The following LAMC3 variants were observed in gnomAD, a reference collection of about 807,000 sequenced individuals.
LAMC3 encodes the protein laminin subunit gamma 3, also known as laminin subunit gamma-3.
In LAMC3, 128 loss-of-function variants were observed where a neutral mutation model predicts 173.8. The observed-to-expected ratio is 0.74, with a 90% CI of 0.64 to 0.85. The LOEUF (loss-of-function observed/expected upper bound fraction) is 0.85. Ranked by LOEUF, LAMC3 falls within the 40% of genes least tolerant of loss-of-function variation. The pLI, the probability that LAMC3 is intolerant of heterozygous loss-of-function variation, is 0.00. For synonymous variants in LAMC3, 897 were observed against 909.1 expected, an observed-to-expected ratio of 0.99 and a Z score of 0.24; for missense variants, 2,022 against 2,156.0, an observed-to-expected ratio of 0.94 and a Z score of 1.23.
At chr9:131,051,045 T>C (rs969925758) in intron 9 of LAMC3, among the ~76,000 whole-genome samples, 1 of 151,986 alleles carries the variant, frequency 6.6e-6, no homozygotes. Context: ...AGGTAAGAAA[T>C]TCCCCCAGCC....
chr9:131,085,106 T>C (rs1177946983), intron 24 of LAMC3, among the ~76,000 whole-genome samples: 9 of 152,170 alleles, frequency 5.9e-5, no homozygotes, highest in African/African-American at 1.9e-4. Flanking sequence ...ATCAGACTCT[T>C]GGTTTTCCAT....
chr9:131,045,383 C>A (rs927799191), intron 7 of LAMC3, 141 bp from the exon 8 acceptor site: 1 of 887,988 alleles, frequency 1.1e-6, no homozygotes, highest in Non-Finnish European at 1.8e-6. Flanking sequence ...TCTTACTACT[C>A]TTCTAGAATT....
chr9:131,075,846 C>G lies in LAMC3; in HGVS notation c.3510C>G (p.Ala1170=). 4 of 1,612,084 alleles carry G rather than the reference C, an allele frequency of 2.5e-6. No homozygotes were observed. The highest frequency in any genetic ancestry group is 2.5e-6 in the Non-Finnish European group (3 of 1,179,372). Residue 1170 remains alanine, a synonymous_variant, in exon 21 of 28, where the codon GCC becomes GCG. Transcript: ENST00000361069. Reference sequence around the variant, plus strand: ...CCTCACACAGCCACAGAGACACCGCCACCAAGATCGCAGCCACTGCTTGGA... The same window carrying G: ...CCTCACACAGCCACAGAGACACCGCGACCAAGATCGCAGCCACTGCTTGGA... ...RALARSHRDT[A]TKIAATAWRA... is the part of the protein sequence containing the mutation.
chr9:131,091,872 T>G lies in LAMC3; in HGVS notation c.*85T>G, dbSNP rs191497722. 242 of 1,524,532 alleles carry G rather than the reference T, an allele frequency of 1.6e-4. 4 individuals carry two copies. In the South Asian group the frequency reaches 2.7e-3, roughly 17 times the overall value. The allele number at this position is 1,524,532 out of a possible 1,614,324, so 94.4% of individuals were successfully genotyped here. A position where few individuals can be genotyped will look rare whatever the true frequency, so the allele number is the denominator to read the frequency against. On this transcript the variant is annotated 3_prime_UTR_variant, in exon 28 of 28. Coordinates refer to ENST00000361069, the MANE Select transcript of LAMC3 (RefSeq NM_006059.4). ...GCACACTACCCCACAGGTGTGCCCATACAGACATTCCCCGGAGCCGGCTGC... is the reference window on the plus strand; with the variant it reads ...GCACACTACCCCACAGGTGTGCCCAGACAGACATTCCCCGGAGCCGGCTGC...
rs376688987 is a variant in LAMC3 at position 131,056,789 on chromosome 9, CA to C, written c.1940-133del. ...TGAGTGACAGAATGAGAATCTGTCT[CA>C]AAAAAAGAAAAATCATTGATTGCTA... On this transcript the variant is annotated intron_variant, in intron 11 of 27. Transcript: ENST00000361069. The C allele has an allele frequency of 1.2e-4, 89 of 747,424 alleles. No homozygotes were observed. The African/African-American group carries it at 1.3e-3, about 11-fold the overall frequency. The allele number at this position is 747,424 out of a possible 1,614,324, so 46.3% of individuals were successfully genotyped here.
intron 16 of LAMC3, 83 bp downstream of exon 16, chr9:131,069,133 G>A (rs1286236802): frequency 4.7e-6 from 7 of 1,499,306 alleles, no homozygotes; most frequent in Non-Finnish European, 6.5e-6. Context: ...GGGGAAAATG[G>A]GCGCAGCAGG....
In LAMC3 at chr9:131,077,232, G is replaced by A; in HGVS notation, c.3675G>A (p.Val1225=). 1.2e-6 allele frequency: 2 copies of A among 1,613,976 alleles called. No homozygotes were observed. Among genetic ancestry groups the A allele is most frequent in the Non-Finnish European group, 1.7e-6 (2 of 1,180,028 alleles). The part of the protein sequence containing the change: ...QAAQKALRTA[V]AEVLPEAESV... ...CCCAGAAAGCACTGAGGACGGCTGT[G>A]GCAGAGGTGCTGCCTGAAGCGGAAA... Residue 1225 remains valine, a synonymous_variant, in exon 22 of 28, where the codon GTG becomes GTA. Transcript: ENST00000361069.
intron 17 of LAMC3, 97 bp downstream of exon 17, chr9:131,069,947 A>G (rs1203123456): frequency 2.3e-6 from 3 of 1,281,550 alleles, no homozygotes; most frequent in Non-Finnish European, 3.3e-6. Flanking sequence ...GCTTACCCCC[A>G]GTGCTCAGGC....
Position 131,093,305 on chromosome 9 carries a change from A to T in LAMC3, c.*1518A>T, listed in dbSNP as rs1830454087. ...TAAAGCCTAGGAGCTGGTGAGTTGG[A>T]GGGGTGGGGTGCGGAGAGGCCCTCA... On this transcript the variant is annotated 3_prime_UTR_variant, in exon 28 of 28. Transcript: ENST00000361069. 6.6e-6 allele frequency: 1 copy of T among 150,550 alleles called. No individual in the cohort carries two copies. Among genetic ancestry groups the T allele is most frequent in the South Asian group, 2.1e-4 (1 of 4,788 alleles). 9.3% of individuals were successfully genotyped at this position (150,550 alleles called of 1,614,324 possible).
Position 131,049,003 on chromosome 9 carries a change from CTG to C in LAMC3, c.1520-13_1520-12del, listed in dbSNP as rs559269148. Reference sequence around the variant, plus strand: ...GGGCCTCACACTGATCGGGGGGTGTCTGTGTTTGCTGTCTAGGAGCCGAAGGC... The same window carrying C: ...GGGCCTCACACTGATCGGGGGGTGTCTGTTTGCTGTCTAGGAGCCGAAGGC... On this transcript the variant is annotated splice_polypyrimidine_tract_variant and intron_variant, in intron 8 of 27. Transcript: ENST00000361069. 48 of 1,504,056 alleles carry C rather than the reference CTG, an allele frequency of 3.2e-5. No individual in the cohort carries two copies. The South Asian group carries it at 3.7e-4, about 12-fold the overall frequency. 93.2% of individuals were successfully genotyped at this position (1,504,056 alleles called of 1,614,324 possible). A position where few individuals can be genotyped will look rare whatever the true frequency, so the allele number is the denominator to read the frequency against.
chr9:131,043,098 T>C (rs1834086224), intron 7 of LAMC3, among the ~76,000 whole-genome samples: 1 of 152,242 alleles, frequency 6.6e-6, no homozygotes, highest in Non-Finnish European at 1.5e-5. Context: ...AACACCCTGC[T>C]TCAGGAAGCC....
chr9:131,065,880 G>A (rs2133309230), intron 13 of LAMC3, among the ~76,000 whole-genome samples: 1 of 151,966 alleles, frequency 6.6e-6, no homozygotes. Flanking sequence ...GAAGGATGAG[G>A]TTAGTGGTCA....
chr9:131,072,569 TG>T lies in LAMC3; in HGVS notation c.3212-56del. ...GGCCACAGAAGGGGACCCCTGGGGGTGGGGGCTTTTGTGTGACATCTCCACC... is the reference window on the plus strand; with the variant it reads ...GGCCACAGAAGGGGACCCCTGGGGGTGGGGCTTTTGTGTGACATCTCCACC... On this transcript the variant is annotated intron_variant, in intron 18 of 27. Transcript: ENST00000361069. The T allele has an allele frequency of 3.5e-6, 5 of 1,427,450 alleles. No individual in the cohort carries two copies. The South Asian group carries it at 6.1e-5, about 17-fold the overall frequency. 88.4% of individuals were successfully genotyped at this position (1,427,450 alleles called of 1,614,324 possible). A position where few individuals can be genotyped will look rare whatever the true frequency, so the allele number is the denominator to read the frequency against.
At position 131,036,174 on chromosome 9, in the gene LAMC3, G is replaced by A. The variant is rs747699617; in HGVS notation, c.818G>A (p.Cys273Tyr). 2.5e-6 allele frequency: 4 copies of A among 1,613,222 alleles called. No individual in the cohort carries two copies. Among genetic ancestry groups the A allele is most frequent in the Non-Finnish European group, 2.5e-6 (3 of 1,179,906 alleles). The change falls in exon 4 of 28, where the codon TGC becomes TAC. Residue 273 changes from cysteine (C) to tyrosine (Y), a missense_variant. By Grantham distance (194) the Cys-to-Tyr change is radical. Coordinates refer to ENST00000361069, the MANE Select transcript of LAMC3 (RefSeq NM_006059.4). ...SDFSVGGRCK[C>Y]NGHASECGPD... ...TCTGTGTCTTTTCCCAGGTGCAAGTGCAACGGGCATGCCAGCGAGTGCGGC... is the reference window on the plus strand; with the variant it reads ...TCTGTGTCTTTTCCCAGGTGCAAGTACAACGGGCATGCCAGCGAGTGCGGC...
chr9:131,077,534 A>G (rs1390620989), intron 22 of LAMC3, among the ~76,000 whole-genome samples, 200 bp downstream of exon 22: 1 of 151,716 alleles, frequency 6.6e-6, no homozygotes, highest in Non-Finnish European at 1.5e-5. Context: ...AAAATTAGCC[A>G]GGTGTGGTGG....
chr9:131,072,177 G>C (rs1258561841), intron 18 of LAMC3, among the ~76,000 whole-genome samples: 1 of 152,036 alleles, frequency 6.6e-6, no homozygotes, highest in East Asian at 1.9e-4. Context: ...GCGCTGAAAT[G>C]GATTGGATTA....
chr9:131,009,177 C>A lies in LAMC3; in HGVS notation c.-38C>A. 15 of 1,170,536 alleles carry A rather than the reference C, an allele frequency of 1.3e-5. No individual in the cohort carries two copies. The highest frequency in any genetic ancestry group is 1.6e-5 in the Non-Finnish European group (15 of 950,650). 72.5% of individuals were successfully genotyped at this position (1,170,536 alleles called of 1,614,324 possible). A position where few individuals can be genotyped will look rare whatever the true frequency, so the allele number is the denominator to read the frequency against. Reference sequence around the variant, plus strand: ...GCGGTCCGCGCCCACCCTAGCCGAGCGGGGCCGGCAGAGCGCGCGGCGTCG... The same window carrying A: ...GCGGTCCGCGCCCACCCTAGCCGAGAGGGGCCGGCAGAGCGCGCGGCGTCG... On this transcript the variant is annotated 5_prime_UTR_variant, in exon 1 of 28. Coordinates refer to ENST00000361069, the MANE Select transcript of LAMC3 (RefSeq NM_006059.4). This position sits in a 1 kb window ranked among gnomAD's most constrained non-coding sequence, Gnocchi z 4.3.
intron 4 of LAMC3, among the ~76,000 whole-genome samples, chr9:131,036,951 A>AGCTGGT (rs1351673909): frequency 6.6e-6 from 1 of 152,214 alleles, no homozygotes; most frequent in African/African-American, 2.4e-5. Context: ...GCCAGATCCC[A>AGCTGGT]GCTGGTGCTG....
Position 131,047,853 on chromosome 9 carries a change from A to C in LAMC3, c.1520-1167A>C. On this transcript the variant is annotated intron_variant, in intron 8 of 27. Transcript: ENST00000361069. ...ACTCCAGCCTGAGTGACAGGGTGAG[A>C]CTCTGTCTCAAAAAAAAAGAAAACA... Among the ~76,000 whole-genome samples the C allele has an allele frequency of 1.3e-5, 2 of 150,646 alleles. 1 individual carries two copies. The highest frequency in any genetic ancestry group is 6.8e-3 in the Middle Eastern group (2 of 292).
Sources: allele counts gnomAD v4.1 joint callset (sites outside exome capture counted in the v4.1 genomes callset), GRCh38; gene constraint gnomAD v4.1.1; non-coding constraint Gnocchi (gnomAD v3.1); transcripts MANE v1.5; gene names NCBI Gene and HGNC (gene_info 2026-07-23, HGNC 2026-07-21).